The following SPECC1 variants were observed in gnomAD, a reference collection of about 807,000 sequenced individuals.
The protein encoded by SPECC1 is sperm antigen with calponin homology and coiled-coil domains 1.
SPECC1 carries 62 observed loss-of-function variants against 104.1 expected under a neutral mutation model. That is an observed-to-expected ratio of 0.60 (90% CI 0.49 to 0.74). The LOEUF (loss-of-function observed/expected upper bound fraction) is 0.74. Among genes scored for constraint, SPECC1 ranks in the 30% least tolerant of loss-of-function variants. SPECC1 has a pLI of 0.00. For synonymous variants in SPECC1, 513 were observed against 501.6 expected (o/e 1.02, Z -0.30); for missense variants, 1,306 against 1,310.5 (o/e 1.00, Z 0.05).
At chr17:20,178,191 C>G (rs530423237) in intron 3 of SPECC1, among the ~76,000 whole-genome samples, 2 of 152,282 alleles carry the variant, frequency 1.3e-5, no homozygotes, top group South Asian at 4.1e-4. Flanking sequence ...CGACTCCTCT[C>G]TATTTTAAAT....
rs1372849968 is a variant in SPECC1, at chr17:20,156,169, A to G, written c.283+45607A>G. The G allele has an allele frequency of 1.3e-5, 19 of 1,441,432 alleles. No individual in the cohort carries two copies. The South Asian group carries it at 2.7e-4, about 21-fold the overall frequency. 89.3% of individuals were successfully genotyped at this position (1,441,432 alleles called of 1,614,324 possible). On this transcript the variant is annotated intron_variant, in intron 3 of 14. Transcript: ENST00000395527. ...GTGGACACCCGGTCCGAGGCCGGCA[A>G]GCCGGCTGGTGCCCGAGTCGGCCAA...
chr17:20,081,799 CCT>C, intron 1 of SPECC1, among the ~76,000 whole-genome samples: 1 of 152,068 alleles, frequency 6.6e-6, no homozygotes, highest in East Asian at 1.9e-4. Context: ...ATGCTGGGGC[CCT>C]GAGTTTCCCA....
At chr17:20,062,721 A>G (rs1429824209) in intron 1 of SPECC1, among the ~76,000 whole-genome samples, 3 of 150,552 alleles carry the variant, frequency 2.0e-5, no homozygotes, top group African/African-American at 7.3e-5. Flanking sequence ...TGTAGTCTCA[A>G]TCTGTCACCC....
At chr17:20,199,080 CTTTTTTTTTT>C (rs562975649) in intron 3 of SPECC1, among the ~76,000 whole-genome samples, 1 of 76,572 alleles carries the variant, frequency 1.3e-5, no homozygotes, top group Non-Finnish European at 2.2e-5. Flanking sequence ...CTTATGGTAG[CTTTTTTTTTT>C]TTTTTTTTTT....
At chr17:20,242,496 T>TA (rs2039246917) in intron 7 of SPECC1, among the ~76,000 whole-genome samples, 1 of 152,146 alleles carries the variant, frequency 6.6e-6, no homozygotes, top group Non-Finnish European at 1.5e-5. Flanking sequence ...CTGCAACTGT[T>TA]GTTCTCTAGT....
intron 1 of SPECC1, among the ~76,000 whole-genome samples, chr17:20,020,479 A>G (rs545108401): frequency 6.6e-6 from 1 of 152,164 alleles, no homozygotes; most frequent in East Asian, 1.9e-4. Context: ...AACTACAGGC[A>G]TGTGCCACCA....
At chr17:20,092,179 T>C (rs1348387223) in intron 1 of SPECC1, among the ~76,000 whole-genome samples, 1 of 151,906 alleles carries the variant, frequency 6.6e-6, no homozygotes. Flanking sequence ...TTTGACAAAT[T>C]TAAAGAAAAC....
At chr17:20,148,092 G>C (rs887118001) in intron 3 of SPECC1, among the ~76,000 whole-genome samples, 9 of 152,128 alleles carry the variant, frequency 5.9e-5, no homozygotes, top group Non-Finnish European at 8.8e-5. Context: ...ATTAGGAACT[G>C]TCTTCTGGTC....
chr17:20,170,322 C>T (rs1345622103), intron 3 of SPECC1, among the ~76,000 whole-genome samples: 1 of 152,294 alleles, frequency 6.6e-6, no homozygotes, highest in East Asian at 1.9e-4. Context: ...GCAGCTGTCC[C>T]TTGTATTTCC....
At chr17:20,111,807 A>AG (rs36071279) in intron 3 of SPECC1, 758 of 791,966 alleles carry the variant, frequency 9.6e-4, no homozygotes, top group South Asian at 1.7e-3. Flanking sequence ...CTCAGGACCC[A>AG]GGGGGGGGGC....
chr17:20,255,865 C>T (rs1178305955), intron 10 of SPECC1, among the ~76,000 whole-genome samples: 1 of 151,714 alleles, frequency 6.6e-6, no homozygotes, highest in Non-Finnish European at 1.5e-5. Flanking sequence ...AGCCATCATG[C>T]CTGGCCAAGA....
At chr17:20,270,716 G>A (rs907170528) in intron 12 of SPECC1, among the ~76,000 whole-genome samples, 18 of 151,584 alleles carry the variant, frequency 1.2e-4, no homozygotes, top group Admixed American at 3.9e-4. Context: ...CCAAATTTTT[G>A]TAAAGTAAGT....
chr17:20,097,436 T>C (rs2047705887), intron 2 of SPECC1, among the ~76,000 whole-genome samples: 1 of 152,232 alleles, frequency 6.6e-6, no homozygotes, highest in Admixed American at 6.5e-5. Flanking sequence ...TATGATCTTC[T>C]ATATTAGCAT....
intron 1 of SPECC1, among the ~76,000 whole-genome samples, chr17:20,086,586 C>T (rs1444519533): frequency 2.0e-5 from 3 of 152,184 alleles, no homozygotes; most frequent in Non-Finnish European, 4.4e-5. Context: ...TGTAGCCTGC[C>T]TCTCCTGAGT....
At chr17:20,286,477 C>T (rs558125320) in intron 12 of SPECC1, among the ~76,000 whole-genome samples, 3 of 152,254 alleles carry the variant, frequency 2.0e-5, no homozygotes, top group South Asian at 2.1e-4. Flanking sequence ...AGGACTGTCG[C>T]GCAGCAGCTC....
intron 3 of SPECC1, among the ~76,000 whole-genome samples, chr17:20,136,956 T>G (rs1438879526): frequency 6.6e-6 from 1 of 152,220 alleles, no homozygotes; most frequent in Non-Finnish European, 1.5e-5. Flanking sequence ...CACTAAGGTT[T>G]GAGCTACACT....
intron 1 of SPECC1, among the ~76,000 whole-genome samples, chr17:20,037,429 G>T (rs568378411): frequency 1.3e-5 from 2 of 151,984 alleles, no homozygotes; most frequent in Admixed American, 1.3e-4. Flanking sequence ...GAGATTACAG[G>T]TGTGAGCCAC....
intron 1 of SPECC1, among the ~76,000 whole-genome samples, chr17:20,093,723 T>C: frequency 9.9e-6 from 1 of 101,522 alleles, no homozygotes. Context: ...TGTTTTTGTT[T>C]TTGTTTTTTG....
chr17:20,082,050 G>A (rs187756505), intron 1 of SPECC1, among the ~76,000 whole-genome samples: 39 of 152,298 alleles, frequency 2.6e-4, no homozygotes, highest in African/African-American at 7.5e-4. Flanking sequence ...TCAACCTGCC[G>A]TTCTGGGCCT....
Sources: gnomAD v4.1 joint callset for allele counts (sites outside exome capture counted in the v4.1 genomes callset) on GRCh38, gnomAD v4.1.1 for gene constraint, MANE v1.5 for transcripts, NCBI Gene and HGNC (gene_info 2026-07-23, HGNC 2026-07-21) for gene names.